The following COMMD1 variants were observed in gnomAD, a reference collection of about 807,000 sequenced individuals.
COMMD1 encodes COMM domain-containing protein 1.
In COMMD1, 10 loss-of-function variants were observed where a neutral mutation model predicts 17.2. That is an observed-to-expected ratio of 0.58 (90% CI 0.36 to 0.99). The LOEUF (loss-of-function observed/expected upper bound fraction) is 0.99. COMMD1 is among the 50% of genes least tolerant of loss of function. The pLI is 0.01. For missense variants in COMMD1, 270 were observed against 231.8 expected, an observed-to-expected ratio of 1.17 and a Z score of -1.07; for synonymous variants, 97 against 91.6, an observed-to-expected ratio of 1.06 and a Z score of -0.34.
rs70946774 is a variant in COMMD1 at position 61,996,314 on chromosome 2, A to ATGTG, written c.181-4347_181-4344dup. Among the ~76,000 whole-genome samples, 576 of 142,382 alleles carry ATGTG rather than the reference A, an allele frequency of 4.0e-3. 4 individuals are homozygous for ATGTG. Among genetic ancestry groups the ATGTG allele is most frequent in the South Asian group, 0.011 (46 of 4,336 alleles). The allele number at this position is 142,382 out of a possible 152,430, so 93.4% of individuals were successfully genotyped here. On this transcript the variant is annotated intron_variant, in intron 1 of 2. Transcript: ENST00000311832. ...TTGATGTCTTGTTTTTGTTTTCTAA[A>ATGTG]TGTGTGTGTGTGTGTGTGTGTGTGT...
intron 1 of COMMD1, among the ~76,000 whole-genome samples, chr2:61,964,788 G>C (rs965908051): frequency 6.6e-6 from 1 of 152,140 alleles, no homozygotes; most frequent in African/African-American, 2.4e-5. Flanking sequence ...CAGGAGAATC[G>C]CTTGAACCTG....
chr2:61,905,683 C>T lies in COMMD1; in HGVS notation c.5C>T (p.Ala2Val), dbSNP rs1342133686. Residue 2 changes from alanine to valine, a missense_variant, in exon 1 of 3, where the codon GCG becomes GTG. By Grantham distance (64) the Ala-to-Val change is moderately conservative. Transcript: ENST00000311832. M[A>V]AGELEGGKPL... is the part of the protein sequence containing the mutation. ...GGGGCGGGGCCTTCGCAGAGCATGG[C>T]GGCGGGCGAGCTTGAGGGTGGCAAA... The T allele has an allele frequency of 4.5e-6, 7 of 1,557,954 alleles. No individual in the cohort carries two copies. The South Asian group carries it at 5.8e-5, about 13-fold the overall frequency.
intron 1 of COMMD1, among the ~76,000 whole-genome samples, chr2:61,940,704 T>C (rs936114550): frequency 1.1e-4 from 17 of 152,184 alleles, no homozygotes; most frequent in Non-Finnish European, 2.2e-4. Context: ...TTTTTTTTTT[T>C]TGAGGCAGAG....
intron 2 of COMMD1, among the ~76,000 whole-genome samples, chr2:62,096,686 C>G (rs1672019731): frequency 6.6e-6 from 1 of 152,206 alleles, no homozygotes; most frequent in African/African-American, 2.4e-5. Context: ...GTCGTAATAG[C>G]AGAGATTCTC....
intron 2 of COMMD1, among the ~76,000 whole-genome samples, chr2:62,103,094 T>G (rs1672230668): frequency 6.6e-6 from 1 of 151,706 alleles, no homozygotes. Context: ...TTCTCCTGCC[T>G]CAGCCTCCAG....
chr2:61,976,443 A>G (rs1210108521), intron 1 of COMMD1, among the ~76,000 whole-genome samples: 1 of 152,202 alleles, frequency 6.6e-6, no homozygotes, highest in Non-Finnish European at 1.5e-5. Flanking sequence ...CACAATGATA[A>G]AGAGGTCAGT....
intron 2 of COMMD1, among the ~76,000 whole-genome samples, chr2:62,127,899 G>A (rs1411508924): frequency 6.7e-6 from 1 of 149,712 alleles, no homozygotes; most frequent in Non-Finnish European, 1.5e-5. Context: ...GCACATGCCT[G>A]TAGTCCCAGC....
At chr2:62,026,083 A>G (rs1490046385) in intron 2 of COMMD1, among the ~76,000 whole-genome samples, 1 of 152,190 alleles carries the variant, frequency 6.6e-6, no homozygotes, top group Non-Finnish European at 1.5e-5. Flanking sequence ...GTAGAGCCAG[A>G]ATTCAGACAC....
intron 1 of COMMD1, among the ~76,000 whole-genome samples, chr2:61,991,802 A>G (rs911782083): frequency 6.6e-6 from 1 of 152,200 alleles, no homozygotes; most frequent in African/African-American, 2.4e-5. Flanking sequence ...GGAGGCAGGA[A>G]GTTGTAAGAC....
intron 2 of COMMD1, among the ~76,000 whole-genome samples, chr2:62,066,436 CTTTT>C (rs34663203): frequency 1.5e-5 from 2 of 137,038 alleles, no homozygotes; most frequent in African/African-American, 2.7e-5. Flanking sequence ...AAGATCAAAT[CTTTT>C]TTTTTTTTTT....
At chr2:62,042,043 C>A (rs556863360) in intron 2 of COMMD1, among the ~76,000 whole-genome samples, 1 of 152,276 alleles carries the variant, frequency 6.6e-6, no homozygotes, top group South Asian at 2.1e-4. Flanking sequence ...ACTGATTGGC[C>A]CATTTTACAG....
chr2:61,947,052 A>G (rs1029897868), intron 1 of COMMD1, among the ~76,000 whole-genome samples: 2 of 152,180 alleles, frequency 1.3e-5, no homozygotes, highest in Admixed American at 1.3e-4. Flanking sequence ...TTTTTTTAGC[A>G]GATTAGTAAA....
At chr2:62,055,247 C>T (rs897727707) in intron 2 of COMMD1, among the ~76,000 whole-genome samples, 17 of 152,146 alleles carry the variant, frequency 1.1e-4, no homozygotes, top group African/African-American at 3.6e-4. Flanking sequence ...GCCTCTTTTC[C>T]TGCACTGTGC....
chr2:61,900,816 G>C (rs377511298), upstream of COMMD1, among the ~76,000 whole-genome samples: 2 of 152,150 alleles, frequency 1.3e-5, no homozygotes, highest in South Asian at 2.1e-4. Flanking sequence ...GCTACATTTG[G>C]TGGGTGTTTA....
chr2:61,973,604 G>A (rs181048356), intron 1 of COMMD1, among the ~76,000 whole-genome samples: 58 of 152,114 alleles, frequency 3.8e-4, no homozygotes, highest in Non-Finnish European at 4.9e-4. Context: ...TGAAGGAGTC[G>A]TTATATATTT....
intron 2 of COMMD1, among the ~76,000 whole-genome samples, chr2:62,058,631 T>C (rs1190067876): frequency 6.6e-6 from 1 of 151,928 alleles, no homozygotes; most frequent in African/African-American, 2.4e-5. Context: ...CCCAGCTACT[T>C]GAGAGGCTGA....
chr2:61,951,418 C>T (rs1435655722), intron 1 of COMMD1, among the ~76,000 whole-genome samples: 1 of 151,552 alleles, frequency 6.6e-6, no homozygotes, highest in East Asian at 1.9e-4. Context: ...CGACATCGTG[C>T]CACAGCACTC....
chr2:61,987,770 C>G (rs911326312), intron 1 of COMMD1, among the ~76,000 whole-genome samples: 3 of 152,192 alleles, frequency 2.0e-5, no homozygotes, highest in African/African-American at 7.2e-5. Context: ...GGATTGAGTT[C>G]TCCTGAGCCC....
chr2:62,068,484 A>G (rs1170948314), intron 2 of COMMD1, among the ~76,000 whole-genome samples: 1 of 152,208 alleles, frequency 6.6e-6, no homozygotes, highest in African/African-American at 2.4e-5. Context: ...GACTTCATCA[A>G]AATTAAAAAC....
Sources: allele counts gnomAD v4.1 joint callset (sites outside exome capture counted in the v4.1 genomes callset), GRCh38; gene constraint gnomAD v4.1.1; transcripts MANE v1.5; gene names NCBI Gene and HGNC (gene_info 2026-07-23, HGNC 2026-07-21).